Variants in TMEM222 observed in about 807,000 individuals in gnomAD.
The protein encoded by TMEM222 is transmembrane protein 222.
In TMEM222, 18 loss-of-function variants were observed where a neutral mutation model predicts 25.1. The observed-to-expected ratio is 0.72, with a 90% CI of 0.50 to 1.06. The LOEUF is 1.06. Among genes scored for constraint, TMEM222 ranks in the 50% least tolerant of loss-of-function variants. The pLI, the probability that TMEM222 is intolerant of heterozygous loss-of-function variation, is 0.00. For synonymous variants in TMEM222, 131 were observed against 117.9 expected (o/e 1.11, Z -0.72); for missense variants, 296 against 293.7 (o/e 1.01, Z -0.06).
Position 27,335,535 on chromosome 1 carries a change from T to G in TMEM222, c.*69T>G. 6.6e-7 allele frequency: 1 copy of G among 1,524,766 alleles called. No individual in the cohort carries two copies. The highest frequency in any genetic ancestry group is 1.1e-5 in the South Asian group (1 of 88,626). 94.5% of individuals were successfully genotyped at this position (1,524,766 alleles called of 1,614,324 possible). On this transcript the variant is annotated 3_prime_UTR_variant, in exon 6 of 6. Coordinates refer to ENST00000374076, the MANE Select transcript of TMEM222 (RefSeq NM_032125.3). ...AGCCGCCATCCCTTTTGGTTCCAGA[T>G]TTTTTTCTCCTCACCCCAAAAGGCA...
intron 1 of TMEM222, chr1:27,325,421 C>T (rs2014317594): frequency 8.6e-7 from 1 of 1,158,820 alleles, no homozygotes; most frequent in East Asian, 2.4e-5. Context: ...TCACCATCAG[C>T]AACAAGCGGT....
At chr1:27,333,805 T>C in intron 3 of TMEM222, 153 bp from the exon 4 acceptor site, 3 of 644,432 alleles carry the variant, frequency 4.7e-6, no homozygotes, top group Non-Finnish European at 8.1e-6. Context: ...TGTGTCACAG[T>C]TGACTGCCAC....
intron 3 of TMEM222, chr1:27,332,312 A>G (rs896735501): frequency 2.8e-6 from 2 of 705,780 alleles, no homozygotes; most frequent in Admixed American, 2.0e-5. Flanking sequence ...CCTGTAGACC[A>G]TCTGGGCCTT....
intron 1 of TMEM222, among the ~76,000 whole-genome samples, chr1:27,324,560 A>C (rs2014293873): frequency 6.6e-6 from 1 of 152,224 alleles, no homozygotes; most frequent in Non-Finnish European, 1.5e-5. Flanking sequence ...GGTGTTCATA[A>C]GACCAAGATG....
rs772706561 is a variant in TMEM222, at chr1:27,333,987, A to G, written c.341A>G (p.Tyr114Cys). Reference protein sequence around the residue: ...KYWKLDPAQVYASGPNAWDTA... With the variant: ...KYWKLDPAQVCASGPNAWDTA... ...TGGAAGTTGGACCCTGCTCAGGTCT[A>G]TGCTAGCGGGCCCAACGCATGGGAC... The change falls in exon 4 of 6, where the codon TAT becomes TGT. Residue 114 changes from tyrosine (Y) to cysteine (C), a missense_variant. Transcript: ENST00000374076. 26 of 1,613,958 alleles carry G rather than the reference A, an allele frequency of 1.6e-5. No homozygotes were observed. The highest frequency in any genetic ancestry group is 1.8e-5 in the Non-Finnish European group (21 of 1,179,996).
At chr1:27,325,070 C>G in intron 1 of TMEM222, 1 of 266,934 alleles carries the variant, frequency 3.7e-6, no homozygotes, top group Non-Finnish European at 7.4e-6. Context: ...CGTAGTATTA[C>G]TGTATAGTGA....
intron 3 of TMEM222, chr1:27,333,500 G>T (rs1248513972): frequency 1.3e-5 from 6 of 459,006 alleles, no homozygotes; most frequent in East Asian, 1.4e-4. Flanking sequence ...CTGGGTGCGG[G>T]TGCTGGTAGA....
chr1:27,331,426 T>G (rs1348914523), intron 2 of TMEM222, among the ~76,000 whole-genome samples: 1 of 152,236 alleles, frequency 6.6e-6, no homozygotes, highest in Non-Finnish European at 1.5e-5. Context: ...TTAAAAATAC[T>G]TTCACATCCA....
At position 27,335,873 on chromosome 1, in the gene TMEM222, T is replaced by G. The variant is rs1322428002; in HGVS notation, c.*407T>G. 4.3e-6 allele frequency: 1 copy of G among 230,202 alleles called. No individual in the cohort carries two copies. Among genetic ancestry groups the G allele is most frequent in the African/African-American group, 2.2e-5 (1 of 44,736 alleles). The allele number at this position is 230,202 out of a possible 1,614,324, so 14.3% of individuals were successfully genotyped here. ...GACCAGAGCTGGTCCCAGCATGGGGTGCACCGGGTACACTTAACGTGTCTC... is the reference window on the plus strand; with the variant it reads ...GACCAGAGCTGGTCCCAGCATGGGGGGCACCGGGTACACTTAACGTGTCTC... On this transcript the variant is annotated 3_prime_UTR_variant, in exon 6 of 6. Coordinates refer to ENST00000374076, the MANE Select transcript of TMEM222 (RefSeq NM_032125.3).
In TMEM222 at chr1:27,330,794, A is replaced by G. The variant is rs759343470; in HGVS notation, c.269A>G (p.Tyr90Cys). Residue 90 changes from tyrosine to cysteine, a missense_variant, in exon 2 of 6, where the codon TAC becomes TGC. By Grantham distance (194) the Tyr-to-Cys change is radical. Coordinates refer to ENST00000374076, the MANE Select transcript of TMEM222 (RefSeq NM_032125.3). ...GTCATTCGGGACTTCGCGGGCCCCT[A>G]CTTTGTCTCAGTGAGTCCCCATTCT... is the stretch of plus-strand genomic sequence containing the variant. ...TGVIRDFAGP[Y>C]FVSEDNMAFG... 3 of 1,613,908 alleles carry G rather than the reference A, an allele frequency of 1.9e-6. No homozygotes were observed. Among genetic ancestry groups the G allele is most frequent in the Non-Finnish European group, 2.5e-6 (3 of 1,179,958 alleles).
At position 27,322,287 on chromosome 1, in the gene TMEM222, C is replaced by T. The variant is rs1330956612; in HGVS notation, c.90C>T (p.Ala30=). 1 of 1,556,404 alleles carries T rather than the reference C, an allele frequency of 6.4e-7. No homozygotes were observed. Among genetic ancestry groups the T allele is most frequent in the Non-Finnish European group, 8.7e-7 (1 of 1,149,124 alleles). ...RMAEVEAPTA[A]ETDMKQYQGS... is the part of the protein sequence containing the mutation. ...CGGAAGTGGAGGCGCCGACGGCGGC[C>T]GAGACGGACATGAAGCAATATCAAG... The change falls in exon 1 of 6, where the codon GCC becomes GCT. Residue 30 remains alanine (A), a synonymous_variant. Coordinates refer to ENST00000374076, the MANE Select transcript of TMEM222 (RefSeq NM_032125.3).
chr1:27,332,736 C>T (rs2014510939), intron 3 of TMEM222: 2 of 572,192 alleles, frequency 3.5e-6, no homozygotes, highest in Admixed American at 3.0e-5. Flanking sequence ...GTGTCCCACA[C>T]AGCTGAGATG....
rs1196232486 is a variant in TMEM222, at chr1:27,322,256, G to A, written c.59G>A (p.Arg20Lys). ...LLLPPPPPPP[R>K]MAEVEAPTAA... ...TTGCCGCCGCCGCCACCCCCGCCCA[G>A]GATGGCGGAAGTGGAGGCGCCGACG... Residue 20 changes from arginine to lysine, a missense_variant, in exon 1 of 6, where the codon AGG becomes AAG. Arg to Lys is a conservative substitution (Grantham distance 26). Coordinates refer to ENST00000374076, the MANE Select transcript of TMEM222 (RefSeq NM_032125.3). 3.3e-6 allele frequency: 5 copies of A among 1,536,994 alleles called. No homozygotes were observed. Among genetic ancestry groups the A allele is most frequent in the Non-Finnish European group, 3.5e-6 (4 of 1,138,600 alleles).
Position 27,335,755 on chromosome 1 carries a change from G to C in TMEM222, c.*289G>C, listed in dbSNP as rs2014591301. ...GGCTTTGGCTTCCCGCTGTAGAGCT[G>C]CTCCCGCCACCACCTGCTGGGGTCC... On this transcript the variant is annotated 3_prime_UTR_variant, in exon 6 of 6. Coordinates refer to ENST00000374076, the MANE Select transcript of TMEM222 (RefSeq NM_032125.3). 2 of 454,680 alleles carry C rather than the reference G, an allele frequency of 4.4e-6. No individual in the cohort carries two copies. Among genetic ancestry groups the C allele is most frequent in the Non-Finnish European group, 8.1e-6 (2 of 246,532 alleles). The allele number at this position is 454,680 out of a possible 1,614,324, so 28.2% of individuals were successfully genotyped here.
chr1:27,334,949 C>T, intron 5 of TMEM222: 3 of 460,106 alleles, frequency 6.5e-6, no homozygotes, highest in Non-Finnish European at 9.6e-6. Flanking sequence ...CACAACACTG[C>T]TGACCCTTGC....
chr1:27,329,311 T>C (rs2014425039), intron 1 of TMEM222, among the ~76,000 whole-genome samples: 2 of 151,934 alleles, frequency 1.3e-5, no homozygotes, highest in African/African-American at 4.8e-5. Context: ...CACACACTCA[T>C]GTAACCGCCA....
At chr1:27,332,507 TGGA>T in intron 3 of TMEM222, 1 of 718,188 alleles carries the variant, frequency 1.4e-6, no homozygotes, top group Non-Finnish European at 2.6e-6. Context: ...AGGCATTGTT[TGGA>T]GCTCTGCTGG....
rs557632932 is a variant in TMEM222 at position 27,335,891 on chromosome 1, C to T, written c.*425C>T. 3.9e-5 allele frequency: 8 copies of T among 202,732 alleles called. No individual in the cohort carries two copies. The South Asian group carries it at 4.4e-4, about 11-fold the overall frequency. The allele number at this position is 202,732 out of a possible 1,614,324, so 12.6% of individuals were successfully genotyped here. On this transcript the variant is annotated 3_prime_UTR_variant, in exon 6 of 6. Coordinates refer to ENST00000374076, the MANE Select transcript of TMEM222 (RefSeq NM_032125.3). ...CATGGGGTGCACCGGGTACACTTAA[C>T]GTGTCTCTATAAGCCAAGTTGCTTC...
intron 1 of TMEM222, chr1:27,325,354 C>T: frequency 8.4e-6 from 7 of 830,546 alleles, no homozygotes; most frequent in Non-Finnish European, 1.5e-5. Context: ...CAGGAGATGG[C>T]CACTACCACA....
Sources: allele counts gnomAD v4.1 joint callset (sites outside exome capture counted in the v4.1 genomes callset), GRCh38; gene constraint gnomAD v4.1.1; transcripts MANE v1.5; gene names NCBI Gene and HGNC (gene_info 2026-07-23, HGNC 2026-07-21).